Variants in TLN2 observed in about 807,000 individuals in gnomAD.
TLN2 encodes the protein talin-2.
Under a neutral mutation model 294.7 loss-of-function variants are expected in TLN2, and 118 were observed. The observed-to-expected ratio is 0.40, with a 90% confidence interval of 0.34 to 0.47. The LOEUF (loss-of-function observed/expected upper bound fraction) is 0.47, where lower values mean the gene tolerates loss of function less well. Ranked by LOEUF, TLN2 falls within the 20% of genes least tolerant of loss-of-function variation. TLN2 has a pLI of 0.84. For missense variants in TLN2, 3,083 were observed against 3,282.2 expected (o/e 0.94, Z 1.48); for synonymous variants, 1,431 against 1,304.5 (o/e 1.10, Z -2.09).
At position 62,791,517 on chromosome 15, in the gene TLN2, A is replaced by G. The variant is rs1284298638; in HGVS notation, c.5737-1124A>G. On this transcript the variant is annotated intron_variant, in intron 45 of 58. Transcript: ENST00000636159. ...AAACAGTGTTTCAATAATATGAGAA[A>G]TAACAATTGCAGCACCCCTCATTCT... Among the ~76,000 whole-genome samples, 3 of 152,210 alleles carry G rather than the reference A, an allele frequency of 2.0e-5. No individual in the cohort carries two copies. The East Asian group carries it at 5.8e-4, about 29-fold the overall frequency.
rs566381335 is a variant in TLN2 at position 62,396,220 on chromosome 15, G to T, written c.-238+5535G>T. On this transcript the variant is annotated intron_variant, in intron 1 of 58. Transcript: ENST00000636159. ...CACCCAAAACTTAAATATTGTTTAAGATTAGCAGTGAGGAGGGAGAGGTAA... is the reference window on the plus strand; with the variant it reads ...CACCCAAAACTTAAATATTGTTTAATATTAGCAGTGAGGAGGGAGAGGTAA... Among the ~76,000 whole-genome samples, 18 of 152,328 alleles carry T rather than the reference G, an allele frequency of 1.2e-4. 1 individual carries two copies. Among genetic ancestry groups the T allele is most frequent in the Middle Eastern group, 3.4e-3 (1 of 294 alleles).
Position 62,693,054 on chromosome 15 carries a change from G to C in TLN2, c.1215+113G>C, listed in dbSNP as rs148032062. ...CCTCTTAAATAATACTTGAGGCCAGGCATGGTGGCTCACGCCTGTAATCCC... is the reference window on the plus strand; with the variant it reads ...CCTCTTAAATAATACTTGAGGCCAGCCATGGTGGCTCACGCCTGTAATCCC... On this transcript the variant is annotated intron_variant, in intron 13 of 58. Coordinates refer to ENST00000636159, the MANE Select transcript of TLN2 (RefSeq NM_015059.3). 73 of 854,084 alleles carry C rather than the reference G, an allele frequency of 8.5e-5. No homozygotes were observed. The East Asian group carries it at 1.9e-3, about 22-fold the overall frequency. 52.9% of individuals were successfully genotyped at this position (854,084 alleles called of 1,614,324 possible).
chr15:62,640,315 A>T, intron 3 of TLN2: 1 of 455,998 alleles, frequency 2.2e-6, no homozygotes, highest in Non-Finnish European at 4.4e-6. Context: ...AGCCATCCAA[A>T]ATTGGGCACA....
intron 43 of TLN2, 73 bp downstream of exon 43, chr15:62,776,983 C>G (rs960941744): frequency 7.6e-7 from 1 of 1,311,798 alleles, no homozygotes; most frequent in African/African-American, 1.5e-5. Context: ...TTTCTCTAAG[C>G]TGTCAAGGCT....
intron 2 of TLN2, among the ~76,000 whole-genome samples, chr15:62,604,652 G>A (rs1441009932): frequency 2.6e-5 from 4 of 151,198 alleles, no homozygotes; most frequent in Non-Finnish European, 5.9e-5. Context: ...GTAGTTGGAA[G>A]GAGGCCGTGG....
intron 1 of TLN2, among the ~76,000 whole-genome samples, chr15:62,534,804 C>A (rs2041244231): frequency 6.6e-6 from 1 of 152,282 alleles, no homozygotes; most frequent in African/African-American, 2.4e-5. Flanking sequence ...CTGGAGATCC[C>A]CAGCACTTCA....
intron 28 of TLN2, among the ~76,000 whole-genome samples, chr15:62,736,593 T>C (rs920432842): frequency 6.6e-6 from 1 of 152,164 alleles, no homozygotes; most frequent in African/African-American, 2.4e-5. Flanking sequence ...ATGCACTTGG[T>C]GTTCTAGGTC....
intron 54 of TLN2, among the ~76,000 whole-genome samples, chr15:62,821,823 G>A (rs988051066): frequency 6.6e-6 from 1 of 152,142 alleles, no homozygotes; most frequent in African/African-American, 2.4e-5. Flanking sequence ...CCATTTTCTG[G>A]TTACGCCTTT....
intron 1 of TLN2, among the ~76,000 whole-genome samples, chr15:62,492,632 T>A (rs2038809425): frequency 6.6e-6 from 1 of 152,274 alleles, no homozygotes; most frequent in East Asian, 1.9e-4. Context: ...TAATGAATTT[T>A]GCCCTATGTC....
intron 1 of TLN2, among the ~76,000 whole-genome samples, chr15:62,573,353 C>G (rs1195564013): frequency 6.6e-6 from 1 of 152,114 alleles, no homozygotes; most frequent in Admixed American, 6.6e-5. Context: ...TCTGCCCTCC[C>G]ACTGGCCCAG....
rs1277084087 is a variant in TLN2 at position 62,407,753 on chromosome 15, C to T, written c.-238+17068C>T. On this transcript the variant is annotated intron_variant, in intron 1 of 58. Coordinates refer to ENST00000636159, the MANE Select transcript of TLN2 (RefSeq NM_015059.3). ...CCAACATGGAGAAACCCCATCTCTA[C>T]TAAAATACAAAAATTAGCTGGTGTT... is the stretch of plus-strand genomic sequence containing the variant. Among the ~76,000 whole-genome samples the T allele has an allele frequency of 2.0e-5, 3 of 152,060 alleles. No homozygotes were observed. The East Asian group carries it at 5.8e-4, about 29-fold the overall frequency.
chr15:62,622,793 G>C (rs1198438836), intron 3 of TLN2, among the ~76,000 whole-genome samples: 1 of 152,178 alleles, frequency 6.6e-6, no homozygotes, highest in Non-Finnish European at 1.5e-5. Context: ...CCTTGGTCCT[G>C]CACTGTGTCA....
rs757717119 is a variant in TLN2 at position 62,766,433 on chromosome 15, C to T, written c.5196+11C>T. On this transcript the variant is annotated intron_variant, in intron 41 of 58. Transcript: ENST00000636159. ...CAGCTGGGACATAAGGTAATGCACA[C>T]CGAGGGGATCCTGCGAGGGTGTGCG... is the stretch of plus-strand genomic sequence containing the variant. 1 of 1,598,230 alleles carries T rather than the reference C, an allele frequency of 6.3e-7. No homozygotes were observed. The highest frequency in any genetic ancestry group is 8.6e-7 in the Non-Finnish European group (1 of 1,166,856).
At chr15:62,408,827 C>CT (rs1048521243) in intron 1 of TLN2, among the ~76,000 whole-genome samples, 21 of 151,724 alleles carry the variant, frequency 1.4e-4, no homozygotes, top group East Asian at 7.8e-4. Flanking sequence ...TCTTCTTTTT[C>CT]TTTTTTTTAA....
chr15:62,645,591 A>G (rs1203078254), intron 3 of TLN2, among the ~76,000 whole-genome samples: 1 of 152,104 alleles, frequency 6.6e-6, no homozygotes, highest in African/African-American at 2.4e-5. Flanking sequence ...GACGCCAGCA[A>G]TCAAGCATGC....
At position 62,707,776 on chromosome 15, in the gene TLN2, G is replaced by A. The variant is rs151318497; in HGVS notation, c.2172+523G>A. ...GATGAGGAATCTGAGGCCCTTAGAT[G>A]TCAGTAGGTTAAGGCCACAGAAGTA... On this transcript the variant is annotated intron_variant, in intron 20 of 58. Coordinates refer to ENST00000636159, the MANE Select transcript of TLN2 (RefSeq NM_015059.3). Among the ~76,000 whole-genome samples the A allele has an allele frequency of 7.6e-3, 1,163 of 152,250 alleles. 12 individuals are homozygous for A. The highest frequency in any genetic ancestry group is 0.027 in the African/African-American group (1,101 of 41,540).
intron 5 of TLN2, among the ~76,000 whole-genome samples, chr15:62,650,837 T>C (rs149597686): frequency 1.3e-5 from 2 of 152,292 alleles, no homozygotes; most frequent in Non-Finnish European, 2.9e-5. Flanking sequence ...AGTTTAGTTT[T>C]AGGAAGTTCA....
intron 31 of TLN2, among the ~76,000 whole-genome samples, 176 bp downstream of exon 31, chr15:62,739,721 A>T (rs970689384): frequency 2.0e-5 from 3 of 152,222 alleles, no homozygotes; most frequent in African/African-American, 7.2e-5. Context: ...ATTCCCAAAG[A>T]TGCTATCAGC....
chr15:62,447,067 C>T (rs1011371304), intron 1 of TLN2, among the ~76,000 whole-genome samples: 26 of 152,282 alleles, frequency 1.7e-4, no homozygotes, highest in Admixed American at 9.2e-4. Flanking sequence ...TTGTTAAAGG[C>T]TTCTTGGGGC....
Sources: allele counts gnomAD v4.1 joint callset (sites outside exome capture counted in the v4.1 genomes callset), GRCh38; gene constraint gnomAD v4.1.1; transcripts MANE v1.5; gene names NCBI Gene and HGNC (gene_info 2026-07-23, HGNC 2026-07-21).